Variants in ADAMTS14 observed in about 807,000 individuals in gnomAD.
The protein encoded by ADAMTS14 is ADAM metallopeptidase with thrombospondin type 1 motif 14, also known as A disintegrin and metalloproteinase with thrombospondin motifs 14.
Under a neutral mutation model 128.6 loss-of-function variants are expected in ADAMTS14, and 100 were observed. The observed-to-expected ratio is 0.78, with a 90% CI of 0.66 to 0.92. ADAMTS14 has a LOEUF of 0.92. ADAMTS14 is among the 40% of genes least tolerant of loss of function. The pLI is 0.00. For synonymous variants in ADAMTS14, 665 were observed against 653.8 expected, an observed-to-expected ratio of 1.02 and a Z score of -0.26; for missense variants, 1,562 against 1,658.6, an observed-to-expected ratio of 0.94 and a Z score of 1.01.
Position 70,691,476 on chromosome 10 carries a change from T to C in ADAMTS14, c.523-10836T>C, listed in dbSNP as rs1488428606. 1.7e-4 allele frequency among the ~76,000 whole-genome samples: 16 copies of C among 96,334 alleles called. 1 individual carries two copies. Among genetic ancestry groups the C allele is most frequent in the African/African-American group, 5.9e-4 (16 of 27,004 alleles). 63.2% of individuals were successfully genotyped at this position (96,334 alleles called of 152,430 possible). A position where few individuals can be genotyped will look rare whatever the true frequency, so the allele number is the denominator to read the frequency against. ...ACTGCACTCCAGCCTGGGGACAGAG[T>C]GAGACCCTGTTAAAAAAAAAAAAAA... On this transcript the variant is annotated intron_variant, in intron 2 of 21. Coordinates refer to ENST00000373207, the MANE Select transcript of ADAMTS14 (RefSeq NM_080722.4).
intron 21 of ADAMTS14, 123 bp from the exon 22 acceptor site, chr10:70,760,237 T>C: frequency 1.5e-6 from 2 of 1,310,194 alleles, no homozygotes. Context: ...AAAAGCTTTA[T>C]AGTGGGTCCA....
In ADAMTS14 at chr10:70,749,867, G is replaced by A; in HGVS notation, c.2309G>A (p.Gly770Asp). 6.2e-7 allele frequency: 1 copy of A among 1,614,068 alleles called. No individual in the cohort carries two copies. Among genetic ancestry groups the A allele is most frequent in the Non-Finnish European group, 8.5e-7 (1 of 1,180,022 alleles). The change falls in exon 16 of 22, where the codon GGC becomes GAC. Residue 770 changes from glycine (G) to aspartate (D), a missense_variant. Coordinates refer to ENST00000373207, the MANE Select transcript of ADAMTS14 (RefSeq NM_080722.4). ...VTGSFILNPK[G>D]KEATSRTFTA... Reference sequence around the variant, plus strand: ...GGCAGCTTCATCCTCAACCCCAAGGGCAAGGAAGCCACAAGCCGGACCTTC... The same window carrying A: ...GGCAGCTTCATCCTCAACCCCAAGGACAAGGAAGCCACAAGCCGGACCTTC...
chr10:70,712,121 G>A (rs969435767), intron 4 of ADAMTS14, among the ~76,000 whole-genome samples: 8 of 152,124 alleles, frequency 5.3e-5, no homozygotes, highest in Admixed American at 2.6e-4. Context: ...ACACTTGACC[G>A]CCCACCCAGA....
At chr10:70,746,968 C>G (rs866670421) in intron 15 of ADAMTS14, among the ~76,000 whole-genome samples, 1 of 152,072 alleles carries the variant, frequency 6.6e-6, no homozygotes, top group African/African-American at 2.4e-5. Flanking sequence ...TTACCTATTA[C>G]GTCTGCCAAG....
At chr10:70,714,502 T>C (rs1840962393) in intron 4 of ADAMTS14, among the ~76,000 whole-genome samples, 2 of 152,172 alleles carry the variant, frequency 1.3e-5, no homozygotes, top group African/African-American at 4.8e-5. Flanking sequence ...CCAGCTGTTA[T>C]GGTAGAAAAA....
intron 3 of ADAMTS14, among the ~76,000 whole-genome samples, chr10:70,703,403 A>G (rs1476808046): frequency 5.3e-5 from 8 of 152,216 alleles, no homozygotes; most frequent in Non-Finnish European, 1.2e-4. Context: ...GCCTGGTGTG[A>G]GAAATGCCTG....
At position 70,760,608 on chromosome 10, in the gene ADAMTS14, C is replaced by T; in HGVS notation, c.3427C>T (p.His1143Tyr). 6.2e-7 allele frequency: 1 copy of T among 1,614,076 alleles called. No homozygotes were observed. Among genetic ancestry groups the T allele is most frequent in the Non-Finnish European group, 8.5e-7 (1 of 1,180,006 alleles). The change falls in exon 22 of 22, where the codon CAT becomes TAT. Residue 1143 changes from histidine to tyrosine, a missense_variant. By Grantham distance (83) the His-to-Tyr change is moderately conservative (BLOSUM62 2). Coordinates refer to ENST00000373207, the MANE Select transcript of ADAMTS14 (RefSeq NM_080722.4). ...TGGAAAGCCAACGGGATCAGAGGAC[C>T]ATCAGCATGGCCGAGCCACACAGCT... Reference protein sequence around the residue: ...PPGKPTGSEDHQHGRATQLPG... With the variant: ...PPGKPTGSEDYQHGRATQLPG...
chr10:70,719,767 G>A (rs79302129), intron 4 of ADAMTS14, among the ~76,000 whole-genome samples: 1,633 of 152,284 alleles, frequency 0.011, 31 homozygotes, highest in African/African-American at 0.034. Flanking sequence ...GCCAGGCCTG[G>A]TTTCAAAGCC....
chr10:70,728,597 G>A (rs541869155), intron 4 of ADAMTS14, among the ~76,000 whole-genome samples: 27 of 152,366 alleles, frequency 1.8e-4, no homozygotes, highest in African/African-American at 5.5e-4. Flanking sequence ...GCAAAGGGCT[G>A]CATTCTTTGA....
At chr10:70,729,195 G>T (rs143815625) in intron 4 of ADAMTS14, 99 bp from the exon 5 acceptor site, 1 of 1,010,276 alleles carries the variant, frequency 9.9e-7, no homozygotes, top group Non-Finnish European at 1.6e-6. Flanking sequence ...ATAAGGTCAC[G>T]GTGGGGATAC....
At chr10:70,704,126 C>A (rs11816063) in intron 3 of ADAMTS14, among the ~76,000 whole-genome samples, 1 of 152,184 alleles carries the variant, frequency 6.6e-6, no homozygotes, top group African/African-American at 2.4e-5. Flanking sequence ...GCCTGCCTAG[C>A]AGCCGGCTAA....
chr10:70,685,261 C>T (rs1839921885), intron 2 of ADAMTS14, among the ~76,000 whole-genome samples: 1 of 152,216 alleles, frequency 6.6e-6, no homozygotes, highest in African/African-American at 2.4e-5. Context: ...AGTTCCCAAA[C>T]CATCCACCAG....
At chr10:70,702,289 G>A (rs777931308) in intron 2 of ADAMTS14, 23 bp from the exon 3 acceptor site, 10 of 1,613,702 alleles carry the variant, frequency 6.2e-6, no homozygotes, top group African/African-American at 5.3e-5. Context: ...TCTCTTTCCC[G>A]CTGCTTGCCG....
intron 4 of ADAMTS14, among the ~76,000 whole-genome samples, chr10:70,709,961 A>G (rs1840793825): frequency 6.6e-6 from 1 of 152,120 alleles, no homozygotes; most frequent in African/African-American, 2.4e-5. Context: ...GGCCTTTGTC[A>G]GGGTGCCTGT....
intron 4 of ADAMTS14, among the ~76,000 whole-genome samples, chr10:70,724,573 T>C (rs568279651): frequency 6.1e-4 from 93 of 152,302 alleles, no homozygotes; most frequent in African/African-American, 2.2e-3. Flanking sequence ...CATGGTGCCA[T>C]GTGTCACACG....
At position 70,749,926 on chromosome 10, in the gene ADAMTS14, G is replaced by C; in HGVS notation, c.2368G>C (p.Glu790Gln). 1 of 1,614,138 alleles carries C rather than the reference G, an allele frequency of 6.2e-7. No homozygotes were observed. The highest frequency in any genetic ancestry group is 1.3e-5 in the African/African-American group (1 of 75,020). Residue 790 changes from glutamate to glutamine, a missense_variant, in exon 16 of 22, where the codon GAG becomes CAG. Transcript: ENST00000373207. ...GGGCCTGGAGTGGGAGGATGCGGTG[G>C]AGGATGCCAAGGAAAGCCTCAAGAC... ...AMGLEWEDAVEDAKESLKTSG... is the reference protein window; with the variant it reads ...AMGLEWEDAVQDAKESLKTSG...
intron 15 of ADAMTS14, among the ~76,000 whole-genome samples, chr10:70,747,721 C>T (rs868148498): frequency 6.6e-6 from 1 of 152,300 alleles, no homozygotes; most frequent in Middle Eastern, 3.4e-3. Flanking sequence ...CGGGTGAGTT[C>T]CCTGAAAGGT....
At chr10:70,732,171 G>A (rs913004348) in intron 6 of ADAMTS14, 83 bp from the exon 7 acceptor site, 60 of 1,190,904 alleles carry the variant, frequency 5.0e-5, no homozygotes, top group Non-Finnish European at 7.1e-5. Flanking sequence ...TGACCAGAGG[G>A]CTGGGCTGGG....
In ADAMTS14 at chr10:70,688,890, G is replaced by A. The variant is rs1239634587; in HGVS notation, c.523-13422G>A. ...GGGGGAGGGGGAGGGGGAGGGGGAG[G>A]GGGAGGGAGAGGGAGAGCCTTTGCT... is the stretch of plus-strand genomic sequence containing the variant. On this transcript the variant is annotated intron_variant, in intron 2 of 21. Transcript: ENST00000373207. Among the ~76,000 whole-genome samples, 3 of 52,134 alleles carry A rather than the reference G, an allele frequency of 5.8e-5. 1 individual carries two copies. The highest frequency in any genetic ancestry group is 1.0e-4 in the African/African-American group (1 of 9,746). The allele number at this position is 52,134 out of a possible 152,430, so 34.2% of individuals were successfully genotyped here. A position where few individuals can be genotyped will look rare whatever the true frequency, so the allele number is the denominator to read the frequency against.
Sources: allele counts gnomAD v4.1 joint callset (sites outside exome capture counted in the v4.1 genomes callset), GRCh38; gene constraint gnomAD v4.1.1; transcripts MANE v1.5; gene names NCBI Gene and HGNC (gene_info 2026-07-23, HGNC 2026-07-21).